ABI1: variants seen among roughly 807,000 people sequenced by gnomAD.
ABI1 encodes the protein abl interactor 1, also known as Abelson interactor 1.
ABI1 carries 14 observed loss-of-function variants against 54.6 expected under a neutral mutation model. That is an observed-to-expected ratio of 0.26 (90% CI 0.17 to 0.40). ABI1 has a LOEUF of 0.40. Ranked by LOEUF, ABI1 falls within the 10% of genes least tolerant of loss-of-function variation. The probability of loss-of-function intolerance (pLI) is 1.00; values close to 1 mark genes in which losing one functional copy is unlikely to be tolerated. For missense variants in ABI1, 443 were observed against 598.3 expected (o/e 0.74, Z 2.71); for synonymous variants, 194 against 209.3 (o/e 0.93, Z 0.63).
chr10:26,759,380 T>C (rs1045389378), intron 7 of ABI1, 142 bp from the exon 8 acceptor site: 1 of 599,232 alleles, frequency 1.7e-6, no homozygotes, highest in Non-Finnish European at 2.6e-6. Context: ...AAGAGAAAAG[T>C]AAAGATAAAA....
intron 3 of ABI1, 98 bp from the exon 4 acceptor site, chr10:26,771,187 T>C (rs1840647938): frequency 1.5e-6 from 2 of 1,317,682 alleles, no homozygotes; most frequent in Non-Finnish European, 2.2e-6. Flanking sequence ...ACTCAATTCA[T>C]GTTAATAAGC....
chr10:26,751,672 G>GCCT lies in ABI1; in HGVS notation c.1193_1195dup (p.Glu398dup), dbSNP rs767223620. 1 of 1,614,044 alleles carries GCCT rather than the reference G, an allele frequency of 6.2e-7. No homozygotes were observed. The highest frequency in any genetic ancestry group is 2.2e-5 in the East Asian group (1 of 44,862). On this transcript the variant is annotated inframe_insertion, in exon 10 of 11. Coordinates refer to ENST00000376140, the MANE Select transcript of ABI1 (RefSeq NM_001012750.3). ...TGGATCATTATACTGAACTACTGCA[G>GCCT]CCTCCTCATCTTCATAATCCACTGG...
At chr10:26,759,369 AAAGAG>A in intron 7 of ABI1, 131 bp from the exon 8 acceptor site, 1 of 638,812 alleles carries the variant, frequency 1.6e-6, no homozygotes, top group South Asian at 4.1e-5. Context: ...GGCACAAAAT[AAAGAG>A]AAAAGTAAAG....
chr10:26,760,771 T>C (rs968348315), intron 7 of ABI1, among the ~76,000 whole-genome samples: 1 of 151,178 alleles, frequency 6.6e-6, no homozygotes, highest in Non-Finnish European at 1.5e-5. Context: ...ATGCCTGTAA[T>C]CCCAGCTACT....
chr10:26,832,167 G>A (rs1564556336), intron 1 of ABI1, among the ~76,000 whole-genome samples: 1 of 152,188 alleles, frequency 6.6e-6, no homozygotes, highest in Non-Finnish European at 1.5e-5. Context: ...ACTTTTTAAG[G>A]ACATGATTAC....
chr10:26,856,863 C>T (rs1411462940), intron 1 of ABI1, among the ~76,000 whole-genome samples: 1 of 152,138 alleles, frequency 6.6e-6, no homozygotes, highest in Non-Finnish European at 1.5e-5. Context: ...CAGAATAGTT[C>T]CCATAACAAA....
intron 3 of ABI1, among the ~76,000 whole-genome samples, chr10:26,771,634 A>G (rs1840705217): frequency 6.6e-6 from 1 of 152,212 alleles, no homozygotes; most frequent in African/African-American, 2.4e-5. Context: ...CGATGTTTAA[A>G]AACAAATTCA....
At chr10:26,767,314 A>AC (rs775668297) in intron 6 of ABI1, among the ~76,000 whole-genome samples, 1 of 152,180 alleles carries the variant, frequency 6.6e-6, no homozygotes, top group East Asian at 1.9e-4. Context: ...AATACCGCTT[A>AC]CCTAGCATCT....
At chr10:26,751,054 A>G (rs1837559026) in intron 10 of ABI1, among the ~76,000 whole-genome samples, 1 of 150,460 alleles carries the variant, frequency 6.6e-6, no homozygotes, top group South Asian at 2.1e-4. Flanking sequence ...TGTTTAGTGG[A>G]AAATATTGTA....
At chr10:26,769,027 A>C (rs1418897365) in intron 5 of ABI1, 35 bp from the exon 6 acceptor site, 6 of 1,486,126 alleles carry the variant, frequency 4.0e-6, no homozygotes, top group Non-Finnish European at 5.4e-6. Context: ...AATAATGAAT[A>C]AAAAAGATAA....
chr10:26,844,099 G>A (rs1007396520), intron 1 of ABI1, among the ~76,000 whole-genome samples: 1 of 152,180 alleles, frequency 6.6e-6, no homozygotes, highest in Admixed American at 6.6e-5. Flanking sequence ...GTTCAAGTAT[G>A]TTTTTGACTA....
At chr10:26,749,232 T>G (rs1837312903) in intron 10 of ABI1, among the ~76,000 whole-genome samples, 1 of 152,208 alleles carries the variant, frequency 6.6e-6, no homozygotes, top group Non-Finnish European at 1.5e-5. Context: ...CCCCAGATTT[T>G]TTTTTAAAGA....
At chr10:26,775,394 CAAT>C (rs1841260008) in intron 3 of ABI1, among the ~76,000 whole-genome samples, 1 of 151,910 alleles carries the variant, frequency 6.6e-6, no homozygotes, top group Non-Finnish European at 1.5e-5. Context: ...GCCTGCACAA[CAAT>C]GTGAATGTAC....
At chr10:26,751,523 T>G in intron 10 of ABI1, 75 bp downstream of exon 10, 1 of 1,425,710 alleles carries the variant, frequency 7.0e-7, no homozygotes, top group Non-Finnish European at 9.5e-7. Context: ...AACATTGGAT[T>G]AGATGTTCTT....
chr10:26,786,187 A>AAG (rs1270971694), intron 2 of ABI1, among the ~76,000 whole-genome samples: 1 of 152,060 alleles, frequency 6.6e-6, no homozygotes, highest in Non-Finnish European at 1.5e-5. Flanking sequence ...ACAAAACGTA[A>AAG]AGAGCCCCAT....
At chr10:26,809,827 C>T (rs935158867) in intron 2 of ABI1, among the ~76,000 whole-genome samples, 1 of 152,102 alleles carries the variant, frequency 6.6e-6, no homozygotes, top group African/African-American at 2.4e-5. Context: ...ATGGTGAACA[C>T]GCTGATGAGC....
At chr10:26,812,562 A>G (rs1227179516) in intron 2 of ABI1, among the ~76,000 whole-genome samples, 1 of 152,252 alleles carries the variant, frequency 6.6e-6, no homozygotes, top group Non-Finnish European at 1.5e-5. Context: ...TAATGACAAC[A>G]TAAGAGGGCT....
chr10:26,834,547 A>AC (rs2048903127), intron 1 of ABI1, among the ~76,000 whole-genome samples: 1 of 112,582 alleles, frequency 8.9e-6, no homozygotes, highest in African/African-American at 3.4e-5. Flanking sequence ...AAGACATACA[A>AC]AACACACACA....
intron 2 of ABI1, among the ~76,000 whole-genome samples, chr10:26,810,418 T>A (rs571266035): frequency 2.6e-5 from 4 of 152,264 alleles, no homozygotes; most frequent in East Asian, 3.9e-4. Flanking sequence ...TAAAAAAAAA[T>A]GTTACTTACT....
Sources: allele counts gnomAD v4.1 joint callset (sites outside exome capture counted in the v4.1 genomes callset), GRCh38; gene constraint gnomAD v4.1.1; transcripts MANE v1.5; gene names NCBI Gene and HGNC (gene_info 2026-07-23, HGNC 2026-07-21).